The following OSTF1 variants were observed in gnomAD, a reference collection of about 807,000 sequenced individuals.
The protein encoded by OSTF1 is osteoclast-stimulating factor 1.
In OSTF1, 27 loss-of-function variants were observed where a neutral mutation model predicts 37.2. The observed-to-expected ratio is 0.73, with a 90% CI of 0.54 to 1.00. OSTF1 has a LOEUF of 1.00. Ranked by LOEUF, OSTF1 falls within the 50% of genes least tolerant of loss-of-function variation. The pLI is 0.00. For synonymous variants in OSTF1, 82 were observed against 89.2 expected (o/e 0.92, Z 0.46); for missense variants, 232 against 253.8 (o/e 0.91, Z 0.58).
intron 7 of OSTF1, among the ~76,000 whole-genome samples, chr9:75,135,790 G>T (rs954793834): frequency 7.2e-5 from 11 of 152,190 alleles, no homozygotes; most frequent in African/African-American, 2.4e-4. Flanking sequence ...TGGAGCTTGG[G>T]GTCTTCTTCC....
At chr9:75,124,230 G>A (rs1472561883) in intron 2 of OSTF1, among the ~76,000 whole-genome samples, 4 of 152,124 alleles carry the variant, frequency 2.6e-5, no homozygotes, top group Non-Finnish European at 5.9e-5. Context: ...CACATCATGG[G>A]ATATTAAGTA....
intron 1 of OSTF1, among the ~76,000 whole-genome samples, chr9:75,089,949 T>A (rs1307891002): frequency 1.3e-5 from 2 of 152,170 alleles, no homozygotes; most frequent in African/African-American, 4.8e-5. Context: ...AGGACTGACA[T>A]CTTGGTGGGC....
At chr9:75,129,318 G>T (rs994836761) in intron 3 of OSTF1, among the ~76,000 whole-genome samples, 1 of 152,166 alleles carries the variant, frequency 6.6e-6, no homozygotes, top group Non-Finnish European at 1.5e-5. Flanking sequence ...CATTTATTCT[G>T]TGTTTTCTTT....
intron 1 of OSTF1, among the ~76,000 whole-genome samples, chr9:75,099,988 G>C (rs1042352373): frequency 6.6e-6 from 1 of 152,184 alleles, no homozygotes; most frequent in Non-Finnish European, 1.5e-5. Flanking sequence ...AATTATTATA[G>C]TGCTCAAGTG....
chr9:75,096,656 A>C (rs901878011), intron 1 of OSTF1, among the ~76,000 whole-genome samples: 1 of 152,240 alleles, frequency 6.6e-6, no homozygotes, highest in Non-Finnish European at 1.5e-5. Context: ...ACTTACTGCC[A>C]TGAGACAAAG....
At chr9:75,142,901 A>G (rs1564171348) in intron 9 of OSTF1, among the ~76,000 whole-genome samples, 1 of 151,474 alleles carries the variant, frequency 6.6e-6, no homozygotes, top group East Asian at 1.9e-4. Flanking sequence ...TGTCAGCATG[A>G]ACTCTAAGTT....
Position 75,140,860 on chromosome 9 carries a change from G to A in OSTF1, c.514G>A (p.Glu172Lys), listed in dbSNP as rs1825930837. Residue 172 changes from glutamate (E) to lysine (K), a missense_variant, in exon 9 of 10, where the codon GAG becomes AAG. Coordinates refer to ENST00000346234, the MANE Select transcript of OSTF1 (RefSeq NM_012383.5). ...TGCTAGAACAGACTTAAGAAACATTGAGAAGAAGCTGGCCTTCGACATGGC... is the reference window on the plus strand; with the variant it reads ...TGCTAGAACAGACTTAAGAAACATTAAGAAGAAGCTGGCCTTCGACATGGC... ...KGARTDLRNIEKKLAFDMATN... is the reference protein window; with the variant it reads ...KGARTDLRNIKKKLAFDMATN... 1 of 1,613,490 alleles carries A rather than the reference G, an allele frequency of 6.2e-7. No homozygotes were observed. Among genetic ancestry groups the A allele is most frequent in the Non-Finnish European group, 8.5e-7 (1 of 1,179,640 alleles).
intron 5 of OSTF1, among the ~76,000 whole-genome samples, chr9:75,132,336 GAC>G (rs1825774023): frequency 1.1e-5 from 1 of 89,194 alleles, no homozygotes; most frequent in African/African-American, 3.8e-5. Flanking sequence ...GAAGATCCTT[GAC>G]CAAACAACGA....
intron 1 of OSTF1, among the ~76,000 whole-genome samples, chr9:75,104,862 G>A (rs1168789966): frequency 6.6e-6 from 1 of 152,160 alleles, no homozygotes; most frequent in Non-Finnish European, 1.5e-5. Context: ...CTGAGTTTAA[G>A]GCTCTTTGCT....
intron 7 of OSTF1, 99 bp from the exon 8 acceptor site, chr9:75,137,439 G>T: frequency 8.0e-6 from 6 of 750,272 alleles, no homozygotes; most frequent in Non-Finnish European, 9.2e-6. Flanking sequence ...CCCATTTTAG[G>T]TTTAACTTTT....
intron 1 of OSTF1, among the ~76,000 whole-genome samples, chr9:75,107,669 T>C (rs1037357038): frequency 6.6e-6 from 1 of 152,254 alleles, no homozygotes. Context: ...TTCAGTAAGA[T>C]ATGTATTTTT....
rs1255900481 is a variant in OSTF1, at chr9:75,096,489, A to C, written c.34+7763A>C. On this transcript the variant is annotated intron_variant, in intron 1 of 9. Transcript: ENST00000346234. ...CTGAGGGCAATTTGAATTCAAATTAAGGGAGACCCTCTAACCAACTCAGTT... is the reference window on the plus strand; with the variant it reads ...CTGAGGGCAATTTGAATTCAAATTACGGGAGACCCTCTAACCAACTCAGTT... Among the ~76,000 whole-genome samples, 5 of 152,322 alleles carry C rather than the reference A, an allele frequency of 3.3e-5. No individual in the cohort carries two copies. The East Asian group carries it at 9.7e-4, about 29-fold the overall frequency.
At chr9:75,092,083 A>G (rs1824985679) in intron 1 of OSTF1, among the ~76,000 whole-genome samples, 1 of 152,236 alleles carries the variant, frequency 6.6e-6, no homozygotes, top group Admixed American at 6.5e-5. Flanking sequence ...TCAGTAGACA[A>G]TACTAAAAGG....
intron 1 of OSTF1, among the ~76,000 whole-genome samples, chr9:75,093,670 G>T (rs991003597): frequency 2.0e-4 from 30 of 152,042 alleles, no homozygotes; most frequent in Admixed American, 1.8e-3. Context: ...GACATCACAC[G>T]CATGCTGCTT....
intron 2 of OSTF1, among the ~76,000 whole-genome samples, chr9:75,120,843 C>G (rs1825569170): frequency 6.6e-6 from 1 of 152,208 alleles, no homozygotes; most frequent in South Asian, 2.1e-4. Context: ...ATGTGACTCA[C>G]AGTAGAACCT....
chr9:75,137,677 T>C, intron 8 of OSTF1, 61 bp downstream of exon 8: 3 of 1,020,416 alleles, frequency 2.9e-6, no homozygotes, highest in Non-Finnish European at 4.7e-6. Flanking sequence ...CTATATCAAC[T>C]TACGCCATTT....
chr9:75,140,501 A>G (rs1482358486), intron 8 of OSTF1, among the ~76,000 whole-genome samples: 1 of 152,210 alleles, frequency 6.6e-6, no homozygotes, highest in Non-Finnish European at 1.5e-5. Context: ...GGTCTTTTCT[A>G]AAGACCCTCT....
rs527480822 is a variant in OSTF1, at chr9:75,104,099, C to G, written c.35-13405C>G. Among the ~76,000 whole-genome samples, 4 of 152,160 alleles carry G rather than the reference C, an allele frequency of 2.6e-5. No homozygotes were observed. The South Asian group carries it at 8.3e-4, about 32-fold the overall frequency. On this transcript the variant is annotated intron_variant, in intron 1 of 9. Coordinates refer to ENST00000346234, the MANE Select transcript of OSTF1 (RefSeq NM_012383.5). ...AAAACAAAAAAAAAAGTAGCCCAGC[C>G]CCAGTGTGGTGGCACAAGCTTGTAG...
chr9:75,117,679 T>G (rs138352893), intron 2 of OSTF1, 129 bp downstream of exon 2: 1 of 706,610 alleles, frequency 1.4e-6, no homozygotes, highest in Non-Finnish European at 2.5e-6. Flanking sequence ...GAATGGATGT[T>G]GGGTCCAGAG....
Sources: gnomAD v4.1 joint callset for allele counts (sites outside exome capture counted in the v4.1 genomes callset) on GRCh38, gnomAD v4.1.1 for gene constraint, MANE v1.5 for transcripts, NCBI Gene and HGNC (gene_info 2026-07-23, HGNC 2026-07-21) for gene names.